Variants in ZNF595 observed in about 807,000 individuals in gnomAD.
ZNF595 encodes zinc finger protein 595.
A neutral mutation model predicts 19.4 loss-of-function variants in ZNF595; 9 were observed. That is an observed-to-expected ratio of 0.46 (90% CI 0.28 to 0.81). The LOEUF (loss-of-function observed/expected upper bound fraction) is 0.81, where lower values mean the gene tolerates loss of function less well. Among genes scored for constraint, ZNF595 ranks in the 30% least tolerant of loss-of-function variants. The probability of loss-of-function intolerance (pLI) is 0.11; values close to 1 mark genes in which losing one functional copy is unlikely to be tolerated. For missense variants in ZNF595, 729 were observed against 736.0 expected, an observed-to-expected ratio of 0.99 and a Z score of 0.11; for synonymous variants, 255 against 255.9, an observed-to-expected ratio of 1.00 and a Z score of 0.03.
chr4:84,972 G>A lies in ZNF595; in HGVS notation c.227-759G>A, dbSNP rs577266337. The stretch of plus-strand genomic sequence containing the variant: ...GTTGCCCTAATATTTTGTATATATT[G>A]TAACATCTGTTTGTTATTTGAACAT... On this transcript the variant is annotated intron_variant, in intron 3 of 3. Coordinates refer to ENST00000610261, the MANE Select transcript of ZNF595 (RefSeq NM_182524.4). Among the ~76,000 whole-genome samples, 6 of 151,960 alleles carry A rather than the reference G, an allele frequency of 3.9e-5. No individual in the cohort carries two copies. The South Asian group carries it at 1.2e-3, about 32-fold the overall frequency.
chr4:81,778 T>G (rs1353655979), intron 3 of ZNF595, among the ~76,000 whole-genome samples: 2 of 152,230 alleles, frequency 1.3e-5, no homozygotes, highest in Non-Finnish European at 2.9e-5. Context: ...GTGAGTTGAT[T>G]CATACAGTTT....
chr4:60,899 A>G (rs1712828420), intron 3 of ZNF595, among the ~76,000 whole-genome samples: 1 of 152,282 alleles, frequency 6.6e-6, no homozygotes, highest in Non-Finnish European at 1.5e-5. Flanking sequence ...TCAAATTACA[A>G]TATAGTTTAC....
intron 3 of ZNF595, among the ~76,000 whole-genome samples, chr4:61,947 T>C (rs1712883727): frequency 1.4e-5 from 2 of 147,766 alleles, no homozygotes; most frequent in African/African-American, 5.0e-5. Context: ...GATATGCATA[T>C]ACATTTTGAA....
Position 86,270 on chromosome 4 carries a change from T to C in ZNF595, c.766T>C (p.Tyr256His), listed in dbSNP as rs1207440942. The change falls in exon 4 of 4, where the codon TAC becomes CAC. Residue 256 changes from tyrosine to histidine, a missense_variant. By Grantham distance (83) the Tyr-to-His change is moderately conservative (BLOSUM62 2). Transcript: ENST00000610261. Reference protein sequence around the residue: ...HKKIHTGEKPYKCEECGKAFT... With the variant: ...HKKIHTGEKPHKCEECGKAFT... ...GAAAATTCATACTGGAGAGAAACCC[T>C]ACAAATGTGAAGAATGTGGCAAAGC... The C allele has an allele frequency of 1.9e-6, 3 of 1,611,650 alleles. No homozygotes were observed. The highest frequency in any genetic ancestry group is 2.5e-6 in the Non-Finnish European group (3 of 1,178,142).
At chr4:76,384 T>A (rs1437338596) in intron 3 of ZNF595, among the ~76,000 whole-genome samples, 2 of 152,168 alleles carry the variant, frequency 1.3e-5, no homozygotes, top group African/African-American at 4.8e-5. Context: ...CTTTACATAA[T>A]TTTTTATATT....
chr4:75,971 C>T (rs1713643219), intron 3 of ZNF595, among the ~76,000 whole-genome samples: 1 of 152,058 alleles, frequency 6.6e-6, no homozygotes, highest in Non-Finnish European at 1.5e-5. Flanking sequence ...CTCAGTGCAG[C>T]CTTGACCTCC....
intron 3 of ZNF595, among the ~76,000 whole-genome samples, chr4:85,388 A>G (rs1714089477): frequency 6.6e-6 from 1 of 152,188 alleles, no homozygotes; most frequent in Non-Finnish European, 1.5e-5. Context: ...TCTTCTAAGT[A>G]AGAAGCCAGG....
At chr4:80,993 C>A (rs1292867559) in intron 3 of ZNF595, among the ~76,000 whole-genome samples, 3 of 152,126 alleles carry the variant, frequency 2.0e-5, no homozygotes, top group East Asian at 1.9e-4. Flanking sequence ...CCCCCCACCC[C>A]CTCTGACAGG....
intron 3 of ZNF595, among the ~76,000 whole-genome samples, chr4:76,868 T>G (rs782681298): frequency 6.6e-6 from 1 of 152,168 alleles, no homozygotes; most frequent in Non-Finnish European, 1.5e-5. Context: ...TTCTCTTGCT[T>G]CTTTTAAGAA....
At chr4:66,693 A>G (rs1423440699) in intron 3 of ZNF595, among the ~76,000 whole-genome samples, 1 of 152,176 alleles carries the variant, frequency 6.6e-6, no homozygotes, top group Admixed American at 6.5e-5. Context: ...TCTATTGAAG[A>G]GACTGTCTTT....
chr4:83,220 A>G (rs1324386375), intron 3 of ZNF595, among the ~76,000 whole-genome samples: 3 of 152,156 alleles, frequency 2.0e-5, no homozygotes. Context: ...TACTTTGGGT[A>G]ATATAATTTT....
chr4:86,695 A>C lies in ZNF595; in HGVS notation c.1191A>C (p.Thr397=). The change falls in exon 4 of 4, where the codon ACA becomes ACC. Residue 397 remains threonine (T), a synonymous_variant. Transcript: ENST00000610261. ...TTCATACTGGAGAGAAACCCTACACATGTGAAGAATGTGGCAAAGCTTTTT... is the reference window on the plus strand; with the variant it reads ...TTCATACTGGAGAGAAACCCTACACCTGTGAAGAATGTGGCAAAGCTTTTT... ...KRIHTGEKPY[T]CEECGKAFYR... is the part of the protein sequence containing the mutation. The C allele has an allele frequency of 6.2e-6, 10 of 1,613,662 alleles. No individual in the cohort carries two copies. Among genetic ancestry groups the C allele is most frequent in the Non-Finnish European group, 8.5e-6 (10 of 1,179,808 alleles).
At chr4:78,471 A>T (rs781915880) in intron 3 of ZNF595, among the ~76,000 whole-genome samples, 2 of 152,172 alleles carry the variant, frequency 1.3e-5, no homozygotes, top group Non-Finnish European at 1.5e-5. Context: ...TCTGTGTGGT[A>T]TTTGCATGTA....
At chr4:77,193 T>C (rs1553798869) in intron 3 of ZNF595, among the ~76,000 whole-genome samples, 3 of 152,100 alleles carry the variant, frequency 2.0e-5, no homozygotes, top group Non-Finnish European at 4.4e-5. Flanking sequence ...GCTGACTTTT[T>C]TTCTGTATAA....
chr4:75,200 A>G (rs1713598458), intron 3 of ZNF595, among the ~76,000 whole-genome samples: 1 of 152,196 alleles, frequency 6.6e-6, no homozygotes, highest in Non-Finnish European at 1.5e-5. Context: ...ATCTATTCAA[A>G]CATTTTGTAA....
At chr4:74,364 C>T (rs1713558363) in intron 3 of ZNF595, among the ~76,000 whole-genome samples, 1 of 152,096 alleles carries the variant, frequency 6.6e-6, no homozygotes, top group African/African-American at 2.4e-5. Context: ...TAGTGCTATG[C>T]AAGTACATTG....
At chr4:73,497 T>A (rs1713514235) in intron 3 of ZNF595, among the ~76,000 whole-genome samples, 1 of 152,128 alleles carries the variant, frequency 6.6e-6, no homozygotes, top group South Asian at 2.1e-4. Context: ...AAAATGAGAA[T>A]TTAGAATCGG....
intron 3 of ZNF595, among the ~76,000 whole-genome samples, chr4:78,146 C>CTACAG (rs1713751762): frequency 6.6e-6 from 1 of 152,100 alleles, no homozygotes; most frequent in Admixed American, 6.5e-5. Context: ...GTAGCTGGGA[C>CTACAG]TACAGGCGTC....
chr4:72,509 A>G (rs1273677059), intron 3 of ZNF595, among the ~76,000 whole-genome samples: 2 of 152,212 alleles, frequency 1.3e-5, no homozygotes, highest in African/African-American at 4.8e-5. Context: ...AATTTGCAAT[A>G]GTTGATAAGT....
Sources: allele counts gnomAD v4.1 joint callset (sites outside exome capture counted in the v4.1 genomes callset), GRCh38; gene constraint gnomAD v4.1.1; transcripts MANE v1.5; gene names NCBI Gene and HGNC (gene_info 2026-07-23, HGNC 2026-07-21).